MYOM3: variants seen among roughly 807,000 people sequenced by gnomAD.
MYOM3 encodes myomesin-3.
MYOM3 carries 155 observed loss-of-function variants against 191.7 expected under a neutral mutation model. The observed-to-expected ratio is 0.81, with a 90% confidence interval of 0.71 to 0.92. The LOEUF is 0.92. MYOM3 is among the 40% of genes least tolerant of loss of function. MYOM3 has a pLI of 0.00. For synonymous variants in MYOM3, 757 were observed against 762.9 expected, an observed-to-expected ratio of 0.99 and a Z score of 0.13; for missense variants, 1,889 against 1,890.6, an observed-to-expected ratio of 1.00 and a Z score of 0.02.
chr1:24,065,829 T>C, intron 29 of MYOM3, 62 bp downstream of exon 29: 1 of 1,280,274 alleles, frequency 7.8e-7, no homozygotes. Flanking sequence ...CCCAGAGCTC[T>C]TGGCCCTCCC....
intron 35 of MYOM3, among the ~76,000 whole-genome samples, chr1:24,059,996 C>A (rs942508888): frequency 1.3e-5 from 2 of 152,194 alleles, no homozygotes; most frequent in Admixed American, 6.5e-5. Flanking sequence ...TGTCACCAAC[C>A]CTTCACAGCT....
chr1:24,067,011 C>G lies in MYOM3; in HGVS notation c.3423+10G>C. ...CACTGGGCCTGGGGGCAGGGCAGGG[C>G]AGGACTTGCCTTGCACGTCAGCTGC... On this transcript the variant is annotated intron_variant, in intron 28 of 36. Transcript: ENST00000374434. The G allele has an allele frequency of 6.4e-7, 1 of 1,563,538 alleles. No homozygotes were observed. The highest frequency in any genetic ancestry group is 2.4e-5 in the East Asian group (1 of 41,954).
chr1:24,084,268 G>C (rs539220907), intron 16 of MYOM3, 200 bp downstream of exon 16: 1 of 582,076 alleles, frequency 1.7e-6, no homozygotes, highest in African/African-American at 1.9e-5. Flanking sequence ...TCCTGCTCCC[G>C]CCATGTAAGA....
At chr1:24,061,530 T>G (rs1643370217) in intron 33 of MYOM3, among the ~76,000 whole-genome samples, 1 of 152,132 alleles carries the variant, frequency 6.6e-6, no homozygotes, top group Non-Finnish European at 1.5e-5. Flanking sequence ...AGCTAAAAAT[T>G]TTTTAAAAAT....
chr1:24,067,172 A>G (rs1643447620), intron 27 of MYOM3, 84 bp from the exon 28 acceptor site: 6 of 1,334,882 alleles, frequency 4.5e-6, no homozygotes, highest in Middle Eastern at 1.8e-4. Flanking sequence ...TGCTGGGGGG[A>G]GGGACAGCTA....
chr1:24,105,341 G>C (rs1484604836), intron 5 of MYOM3, among the ~76,000 whole-genome samples: 1 of 152,242 alleles, frequency 6.6e-6, no homozygotes, highest in Non-Finnish European at 1.5e-5. Context: ...GGCAGAAAGC[G>C]AGGCTGGGAA....
At chr1:24,097,382 C>G (rs1023365171) in intron 7 of MYOM3, among the ~76,000 whole-genome samples, 8 of 152,210 alleles carry the variant, frequency 5.3e-5, no homozygotes, top group Admixed American at 5.2e-4. Context: ...CCTGAGAGAG[C>G]AACTTGGGGG....
chr1:24,108,118 TG>T, intron 2 of MYOM3, 45 bp from the exon 3 acceptor site: 1 of 1,582,806 alleles, frequency 6.3e-7, no homozygotes, highest in Non-Finnish European at 8.6e-7. Context: ...CAGGATTGGC[TG>T]GGGGCTCCCT....
In MYOM3 at chr1:24,062,590, C is replaced by G. The variant is rs1643383938; in HGVS notation, c.3771-481G>C. On this transcript the variant is annotated intron_variant, in intron 32 of 36. Transcript: ENST00000374434. ...TCTGCTGTTGGATTATCTGGGGCCACTCAGAGAGTGGCTGAGTCTCTGTGG... is the reference window on the plus strand; with the variant it reads ...TCTGCTGTTGGATTATCTGGGGCCAGTCAGAGAGTGGCTGAGTCTCTGTGG... Among the ~76,000 whole-genome samples the G allele has an allele frequency of 2.0e-5, 3 of 152,214 alleles. No individual in the cohort carries two copies. In the South Asian group the frequency reaches 6.2e-4, roughly 32 times the overall value.
At chr1:24,081,726 C>A in intron 18 of MYOM3, 1 of 583,358 alleles carries the variant, frequency 1.7e-6, no homozygotes, top group Non-Finnish European at 3.0e-6. Context: ...CCACACTCAG[C>A]TAATTTTTGT....
intron 33 of MYOM3, 77 bp from the exon 34 acceptor site, chr1:24,061,386 G>A: frequency 4.1e-6 from 6 of 1,450,462 alleles, no homozygotes; most frequent in Non-Finnish European, 5.7e-6. Context: ...GACCCTGGGA[G>A]CAAAGCTTAT....
intron 15 of MYOM3, among the ~76,000 whole-genome samples, chr1:24,086,384 C>T (rs1643747565): frequency 6.6e-6 from 1 of 152,052 alleles, no homozygotes; most frequent in African/African-American, 2.4e-5. Context: ...CTGTGCAGGG[C>T]CCAGCTGTGC....
chr1:24,097,798 C>T, intron 7 of MYOM3, 125 bp downstream of exon 7: 2 of 751,852 alleles, frequency 2.7e-6, no homozygotes, highest in Non-Finnish European at 2.4e-6. Flanking sequence ...CCTGGTCACC[C>T]AATGCCAGGC....
At chr1:24,071,869 G>T in intron 24 of MYOM3, 100 bp downstream of exon 24, 1 of 1,218,078 alleles carries the variant, frequency 8.2e-7, no homozygotes, top group Non-Finnish European at 1.2e-6. Context: ...GTCCCTCTGG[G>T]GTTGTTTCCT....
At chr1:24,070,970 C>G (rs1643523693) in intron 25 of MYOM3, 147 bp downstream of exon 25, 5 of 1,017,274 alleles carry the variant, frequency 4.9e-6, no homozygotes, top group Non-Finnish European at 5.8e-6. Flanking sequence ...GTTCCCATCC[C>G]GTCCTCATCA....
intron 23 of MYOM3, 66 bp downstream of exon 23, chr1:24,074,094 G>C (rs6660949): frequency 0.99 from 1,330,506 of 1,340,364 alleles, 660,599 homozygotes; most frequent in Non-Finnish European, 1. Context: ...TTGCTGACCT[G>C]TGTGGGCATT....
rs898365109 is a variant in MYOM3 at position 24,063,298 on chromosome 1, CG to C, written c.3662-65del. On this transcript the variant is annotated intron_variant, in intron 31 of 36. Coordinates refer to ENST00000374434, the MANE Select transcript of MYOM3 (RefSeq NM_152372.4). The surrounding 1 kb of genome is among the most constrained non-coding windows in gnomAD (Gnocchi z 4.5). ...CCATTTAGGCATCAGATTTTGGGGC[CG>C]GCTTGTCTGCCTCTGCCCTGGGGGG... 840 of 1,475,236 alleles carry C rather than the reference CG, an allele frequency of 5.7e-4. No individual in the cohort carries two copies. Among genetic ancestry groups the C allele is most frequent in the Admixed American group, 1.3e-3 (74 of 58,964 alleles). 91.4% of individuals were successfully genotyped at this position (1,475,236 alleles called of 1,614,324 possible).
rs35446243 is a variant in MYOM3 at position 24,080,045 on chromosome 1, G to C, written c.2557C>G (p.Pro853Ala). 1 of 1,613,602 alleles carries C rather than the reference G, an allele frequency of 6.2e-7. No homozygotes were observed. The highest frequency in any genetic ancestry group is 1.1e-5 in the South Asian group (1 of 91,016). ...EGSEQWKPVT[P>A]GPISGTHLRV... is the part of the protein sequence containing the mutation. ...AGGTGGGTGCCAGAGATGGGGCCTG[G>C]GGTGACCGGCTTCCACTGCTCAGAG... The change falls in exon 20 of 37, where the codon CCA becomes GCA. Residue 853 changes from proline (P) to alanine (A), a missense_variant. Transcript: ENST00000374434.
In MYOM3 at chr1:24,092,287, T is replaced by A; in HGVS notation, c.1119A>T (p.Pro373=). 2 of 1,365,554 alleles carry A rather than the reference T, an allele frequency of 1.5e-6. No homozygotes were observed. The highest frequency in any genetic ancestry group is 1.9e-6 in the Non-Finnish European group (2 of 1,048,502). The allele number at this position is 1,365,554 out of a possible 1,614,324, so 84.6% of individuals were successfully genotyped here. ...RDAEAENPGA[P]GSPLNVRCLD... is the part of the protein sequence containing the mutation. ...GGCATCGGACGTTCAGTGGGGAGCC[T>A]GGGGCCCCGGGGTTCTCGGCCTCGG... Residue 373 remains proline, a synonymous_variant, in exon 11 of 37, where the codon CCA becomes CCT. Coordinates refer to ENST00000374434, the MANE Select transcript of MYOM3 (RefSeq NM_152372.4).
Sources: gnomAD v4.1 joint callset for allele counts (sites outside exome capture counted in the v4.1 genomes callset) on GRCh38, gnomAD v4.1.1 for gene constraint, Gnocchi (gnomAD v3.1) non-coding constraint, MANE v1.5 for transcripts, NCBI Gene and HGNC (gene_info 2026-07-23, HGNC 2026-07-21) for gene names.